Variants in ABHD2 observed in about 807,000 individuals in gnomAD.
ABHD2 encodes monoacylglycerol lipase ABHD2.
A neutral mutation model predicts 48.1 loss-of-function variants in ABHD2; 20 were observed. That is an observed-to-expected ratio of 0.42 (90% CI 0.29 to 0.60). ABHD2 has a LOEUF of 0.60. ABHD2 is among the 20% of genes least tolerant of loss of function. The probability of loss-of-function intolerance (pLI) is 0.24; values close to 1 mark genes in which losing one functional copy is unlikely to be tolerated. For synonymous variants in ABHD2, 209 were observed against 214.2 expected (o/e 0.98, Z 0.21); for missense variants, 405 against 550.9 (o/e 0.74, Z 2.65).
rs939447694 is a variant in ABHD2, at chr15:89,094,580, C to T, written c.-107+6017C>T. 2.0e-5 allele frequency among the ~76,000 whole-genome samples: 3 copies of T among 151,750 alleles called. No homozygotes were observed. The highest frequency in any genetic ancestry group is 2.1e-4 in the South Asian group (1 of 4,798). ...AAAATTAGCTGAGCATGGTGGTGTG[C>T]GCCTGTAGTCCCAGCTACTTGGGAG... On this transcript the variant is annotated intron_variant, in intron 1 of 10. Coordinates refer to ENST00000352732, the MANE Select transcript of ABHD2 (RefSeq NM_152924.5). The surrounding 1 kb of genome is among the most constrained non-coding windows in gnomAD (Gnocchi z 4.7).
rs1207204959 is a variant in ABHD2 at position 89,104,118 on chromosome 15, C to G, written c.-106-9607C>G. On this transcript the variant is annotated intron_variant, in intron 1 of 10. Transcript: ENST00000352732. The surrounding 1 kb of genome is among the most constrained non-coding windows in gnomAD (Gnocchi z 4.4). ...CACTATGTACTGTTGCCCCCAGAACCTTCTCTTGGTCTTGGAGGGCAAGGA... is the reference window on the plus strand; with the variant it reads ...CACTATGTACTGTTGCCCCCAGAACGTTCTCTTGGTCTTGGAGGGCAAGGA... 1.3e-5 allele frequency: 2 copies of G among 152,232 alleles called. No individual in the cohort carries two copies. The highest frequency in any genetic ancestry group is 4.8e-5 in the African/African-American group (2 of 41,450). 9.4% of individuals were successfully genotyped at this position (152,232 alleles called of 1,614,324 possible). A position where few individuals can be genotyped will look rare whatever the true frequency, so the allele number is the denominator to read the frequency against.
At chr15:89,053,494 A>G in the ABHD2 span, among the ~76,000 whole-genome samples, 4 of 152,194 alleles carry the variant, frequency 2.6e-5, no homozygotes, top group African/African-American at 9.6e-5. Flanking sequence ...GCCCTCTAAC[A>G]TGGCCTGGGG....
chr15:89,069,827 G>T, the ABHD2 span, among the ~76,000 whole-genome samples: 1 of 151,586 alleles, frequency 6.6e-6, no homozygotes, highest in Non-Finnish European at 1.5e-5. Flanking sequence ...TTACAGGTGC[G>T]TACCACCATG....
rs150560484 is a variant in ABHD2 at position 89,163,873 on chromosome 15, A to G, written c.538+8339A>G. Among the ~76,000 whole-genome samples, 17 of 152,316 alleles carry G rather than the reference A, an allele frequency of 1.1e-4. No homozygotes were observed. The East Asian group carries it at 3.3e-3, about 29-fold the overall frequency. On this transcript the variant is annotated intron_variant, in intron 5 of 10. Transcript: ENST00000352732. ...GACAAGGATGACTGACTTGCTCTAAATCACAGAGTTAATGAGTGGGCAGCC... is the reference window on the plus strand; with the variant it reads ...GACAAGGATGACTGACTTGCTCTAAGTCACAGAGTTAATGAGTGGGCAGCC...
intron 3 of ABHD2, among the ~76,000 whole-genome samples, chr15:89,126,293 C>T (rs1450516295): frequency 6.6e-6 from 1 of 152,170 alleles, no homozygotes; most frequent in Non-Finnish European, 1.5e-5. Context: ...ATTTCAGAAT[C>T]CACCTTGGTT....
Position 89,196,036 on chromosome 15 carries a change from C to G in ABHD2, c.*613C>G, listed in dbSNP as rs1344902945. The G allele has an allele frequency of 1.3e-5, 2 of 152,626 alleles. No individual in the cohort carries two copies. The highest frequency in any genetic ancestry group is 4.8e-5 in the African/African-American group (2 of 41,428). The allele number at this position is 152,626 out of a possible 1,614,324, so 9.5% of individuals were successfully genotyped here. A position where few individuals can be genotyped will look rare whatever the true frequency, so the allele number is the denominator to read the frequency against. Reference sequence around the variant, plus strand: ...CTGCTGCTGAGAGTTACGTGAGGCACTTGTTAAAAATTCAGCCTCCCAGGT... The same window carrying G: ...CTGCTGCTGAGAGTTACGTGAGGCAGTTGTTAAAAATTCAGCCTCCCAGGT... On this transcript the variant is annotated 3_prime_UTR_variant, in exon 11 of 11. Transcript: ENST00000352732.
At chr15:89,125,948 A>C (rs193292500) in intron 3 of ABHD2, among the ~76,000 whole-genome samples, 2 of 152,204 alleles carry the variant, frequency 1.3e-5, no homozygotes, top group Non-Finnish European at 2.9e-5. Flanking sequence ...ATCTAAAAAA[A>C]GGTTCGGAAT....
the ABHD2 span, among the ~76,000 whole-genome samples, chr15:89,055,784 A>C: frequency 4.6e-5 from 7 of 152,214 alleles, no homozygotes; most frequent in Admixed American, 3.9e-4. Context: ...AAGTGAGATG[A>C]ATCAATATTA....
In ABHD2 at chr15:89,182,837, T is replaced by C. The variant is rs7180965; in HGVS notation, c.723-2587T>C. ...AGAACTTGGATAGGCAAGTAAGGTA[T>C]TTGTGCAGTGTCTAGAGAGCTAAAC... On this transcript the variant is annotated intron_variant, in intron 6 of 10. Transcript: ENST00000352732. The surrounding 1 kb of genome is among the most constrained non-coding windows in gnomAD (Gnocchi z 4.8). 6.6e-5 allele frequency among the ~76,000 whole-genome samples: 10 copies of C among 152,088 alleles called. No homozygotes were observed. Among genetic ancestry groups the C allele is most frequent in the African/African-American group, 2.4e-4 (10 of 41,402 alleles).
chr15:89,123,033 G>A (rs1006748799), intron 3 of ABHD2, among the ~76,000 whole-genome samples: 5 of 152,166 alleles, frequency 3.3e-5, no homozygotes, highest in African/African-American at 4.8e-5. Context: ...AAAGGTAATC[G>A]CTTTCTTCTG....
intron 5 of ABHD2, among the ~76,000 whole-genome samples, chr15:89,161,442 C>A (rs575335021): frequency 2.0e-5 from 3 of 152,006 alleles, no homozygotes; most frequent in African/African-American, 7.3e-5. Context: ...ACTCTGTTGC[C>A]GAGGCTGGAG....
chr15:89,185,371 G>T lies in ABHD2; in HGVS notation c.723-53G>T. 1 of 1,494,672 alleles carries T rather than the reference G, an allele frequency of 6.7e-7. No individual in the cohort carries two copies. Among genetic ancestry groups the T allele is most frequent in the African/African-American group, 1.4e-5 (1 of 72,330 alleles). The allele number at this position is 1,494,672 out of a possible 1,614,324, so 92.6% of individuals were successfully genotyped here. A position where few individuals can be genotyped will look rare whatever the true frequency, so the allele number is the denominator to read the frequency against. On this transcript the variant is annotated intron_variant, in intron 6 of 10. Coordinates refer to ENST00000352732, the MANE Select transcript of ABHD2 (RefSeq NM_152924.5). This position sits in a 1 kb window ranked among gnomAD's most constrained non-coding sequence, Gnocchi z 5.9. The stretch of plus-strand genomic sequence containing the variant: ...CCATGGCTAGAGCCCCCTCCTGGCT[G>T]CCCGCCTGCACCCCCACACCGCAGT...
At position 89,188,498 on chromosome 15, in the gene ABHD2, A is replaced by G. The variant is rs546199985; in HGVS notation, c.926+195A>G. Among the ~76,000 whole-genome samples the G allele has an allele frequency of 4.6e-5, 7 of 152,342 alleles. No individual in the cohort carries two copies. In the South Asian group the frequency reaches 1.4e-3, roughly 32 times the overall value. ...CATTTAAATTTCTAGTTTCTCCTGG[A>G]AAATAGGAAAAGGATCCGACCACTC... On this transcript the variant is annotated intron_variant, in intron 8 of 10. Coordinates refer to ENST00000352732, the MANE Select transcript of ABHD2 (RefSeq NM_152924.5). The surrounding 1 kb of genome is among the most constrained non-coding windows in gnomAD (Gnocchi z 4.1).
intron 5 of ABHD2, among the ~76,000 whole-genome samples, chr15:89,169,824 T>C (rs1429691268): frequency 6.6e-6 from 1 of 152,090 alleles, no homozygotes; most frequent in East Asian, 1.9e-4. Flanking sequence ...TAAATACACA[T>C]GAGAAAAACA....
chr15:89,153,618 T>C lies in ABHD2; in HGVS notation c.371-1749T>C, dbSNP rs186121594. On this transcript the variant is annotated intron_variant, in intron 4 of 10. Coordinates refer to ENST00000352732, the MANE Select transcript of ABHD2 (RefSeq NM_152924.5). Reference sequence around the variant, plus strand: ...CCCAGAAATGACTGACAAAGGTGCTTCTAGGGAAGGCAGTATTTGTACCTA... The same window carrying C: ...CCCAGAAATGACTGACAAAGGTGCTCCTAGGGAAGGCAGTATTTGTACCTA... 5.1e-4 allele frequency among the ~76,000 whole-genome samples: 78 copies of C among 152,312 alleles called. 1 individual carries two copies. The highest frequency in any genetic ancestry group is 1.7e-3 in the African/African-American group (72 of 41,568).
chr15:89,081,166 A>ATTTTTTT, the ABHD2 span, among the ~76,000 whole-genome samples: 1 of 115,302 alleles, frequency 8.7e-6, no homozygotes, highest in African/African-American at 3.7e-5. Flanking sequence ...TGCCCAGCTA[A>ATTTTTTT]TTTTTTTTTT....
the ABHD2 span, among the ~76,000 whole-genome samples, chr15:89,082,113 G>A: frequency 1.3e-5 from 2 of 152,148 alleles, no homozygotes; most frequent in Non-Finnish European, 2.9e-5. This position sits in a 1 kb window ranked among gnomAD's most constrained non-coding sequence, Gnocchi z 4.4. Flanking sequence ...GACAACCACA[G>A]ACATTGTCAA....
At chr15:89,125,744 G>A (rs2050121379) in intron 3 of ABHD2, among the ~76,000 whole-genome samples, 1 of 152,182 alleles carries the variant, frequency 6.6e-6, no homozygotes, top group African/African-American at 2.4e-5. Flanking sequence ...CTCTGCTGTA[G>A]CAGGTCATTT....
At chr15:89,073,854 T>G in the ABHD2 span, among the ~76,000 whole-genome samples, 1 of 152,184 alleles carries the variant, frequency 6.6e-6, no homozygotes, top group East Asian at 1.9e-4. Flanking sequence ...TTAAACCGCA[T>G]TGCTGGCCCC....
Sources: gnomAD v4.1 joint callset for allele counts (sites outside exome capture counted in the v4.1 genomes callset) on GRCh38, gnomAD v4.1.1 for gene constraint, Gnocchi (gnomAD v3.1) non-coding constraint, MANE v1.5 for transcripts, NCBI Gene and HGNC (gene_info 2026-07-23, HGNC 2026-07-21) for gene names.